The following FGF12 variants were observed in gnomAD, a reference collection of about 807,000 sequenced individuals.
FGF12 encodes fibroblast growth factor 12, also known as fibroblast growth factor 12B.
In FGF12, 14 loss-of-function variants were observed where a neutral mutation model predicts 23.6. That is an observed-to-expected ratio of 0.59 (90% CI 0.39 to 0.93). The LOEUF is 0.93. FGF12 is among the 40% of genes least tolerant of loss of function. FGF12 has a pLI of 0.00. For missense variants in FGF12, 175 were observed against 217.8 expected (o/e 0.80, Z 1.24); for synonymous variants, 62 against 77.3 (o/e 0.80, Z 1.04).
At chr3:192,571,421 T>C (rs967146943) in intron 2 of FGF12, among the ~76,000 whole-genome samples, 3 of 152,214 alleles carry the variant, frequency 2.0e-5, no homozygotes, top group Admixed American at 2.0e-4. Context: ...AGCGCAAAAC[T>C]GACTCATGCA....
chr3:192,408,624 G>T lies in FGF12; in HGVS notation c.14-48086C>A. The T allele has an allele frequency of 1.9e-6, 2 of 1,048,998 alleles. No homozygotes were observed. The highest frequency in any genetic ancestry group is 4.6e-4 in the Middle Eastern group (1 of 2,162). 65.0% of individuals were successfully genotyped at this position (1,048,998 alleles called of 1,614,324 possible). Reference sequence around the variant, plus strand: ...AGAACGATGCCCAAAATAACAAGACGTGCCTCTGTTGGAGAGGCGCAAGCG... The same window carrying T: ...AGAACGATGCCCAAAATAACAAGACTTGCCTCTGTTGGAGAGGCGCAAGCG... On this transcript the variant is annotated intron_variant, in intron 2 of 5. Coordinates refer to ENST00000445105, the MANE Select transcript of FGF12 (RefSeq NM_004113.6). This position sits in a 1 kb window ranked among gnomAD's most constrained non-coding sequence, Gnocchi z 7.3.
chr3:192,500,903 G>C (rs543314821), intron 2 of FGF12, among the ~76,000 whole-genome samples: 1 of 152,266 alleles, frequency 6.6e-6, no homozygotes, highest in South Asian at 2.1e-4. Flanking sequence ...GTTCAAGATC[G>C]CATAAGTGGT....
chr3:192,537,266 G>A (rs373352617), intron 2 of FGF12, among the ~76,000 whole-genome samples: 12 of 152,054 alleles, frequency 7.9e-5, no homozygotes, highest in African/African-American at 2.7e-4. Context: ...ATAACATGAG[G>A]GTGTAGAAAT....
intron 2 of FGF12, among the ~76,000 whole-genome samples, chr3:192,375,167 T>C (rs115807012): frequency 0.011 from 1,688 of 152,362 alleles, 31 homozygotes; most frequent in African/African-American, 0.039. Context: ...ATTTGGATTT[T>C]GAATCTTCAT....
intron 4 of FGF12, among the ~76,000 whole-genome samples, chr3:192,268,163 A>T (rs1713197126): frequency 6.6e-6 from 1 of 152,122 alleles, no homozygotes; most frequent in African/African-American, 2.4e-5. Context: ...TTTCCTTGTC[A>T]CTTTTGCATC....
chr3:192,313,422 A>C (rs1716061443), intron 4 of FGF12, among the ~76,000 whole-genome samples: 1 of 152,174 alleles, frequency 6.6e-6, no homozygotes, highest in African/African-American at 2.4e-5. Flanking sequence ...AACCTTTCAC[A>C]CTTCCCTGAA....
intron 4 of FGF12, among the ~76,000 whole-genome samples, chr3:192,318,127 AG>A (rs1716328359): frequency 6.6e-6 from 1 of 152,164 alleles, no homozygotes; most frequent in South Asian, 2.1e-4. Flanking sequence ...CCTCCGAAGG[AG>A]GACAGGTAAA....
At chr3:192,241,147 T>C (rs1430681500) in intron 4 of FGF12, among the ~76,000 whole-genome samples, 1 of 152,200 alleles carries the variant, frequency 6.6e-6, no homozygotes, top group Non-Finnish European at 1.5e-5. Flanking sequence ...CCATGAGTTC[T>C]TGCTGAAGAA....
chr3:192,209,571 G>A (rs1283688599), intron 4 of FGF12, among the ~76,000 whole-genome samples: 1 of 152,148 alleles, frequency 6.6e-6, no homozygotes. Context: ...GATGAATTAA[G>A]GTGAAGTGTT....
chr3:192,412,414 A>G (rs1211430144), intron 2 of FGF12, among the ~76,000 whole-genome samples: 2 of 152,232 alleles, frequency 1.3e-5, no homozygotes, highest in Non-Finnish European at 2.9e-5. Context: ...TTAACCTGAC[A>G]ACATCAAGTT....
At chr3:192,472,197 T>C (rs1481690495) in intron 2 of FGF12, among the ~76,000 whole-genome samples, 1 of 152,106 alleles carries the variant, frequency 6.6e-6, no homozygotes, top group Non-Finnish European at 1.5e-5. Flanking sequence ...TATGCATTTT[T>C]AGTAGAGACG....
chr3:192,335,981 A>G (rs1197839735), intron 3 of FGF12, among the ~76,000 whole-genome samples: 1 of 152,070 alleles, frequency 6.6e-6, no homozygotes, highest in Admixed American at 6.6e-5. Flanking sequence ...TGGTGATAAC[A>G]TTCAGACAAA....
chr3:192,580,218 T>A (rs1713075781), intron 2 of FGF12, among the ~76,000 whole-genome samples: 1 of 152,200 alleles, frequency 6.6e-6, no homozygotes, highest in African/African-American at 2.4e-5. Flanking sequence ...TCTTATGCAG[T>A]GATTCAAGTT....
At chr3:192,445,745 G>A (rs1470267781) in intron 2 of FGF12, among the ~76,000 whole-genome samples, 1 of 152,084 alleles carries the variant, frequency 6.6e-6, no homozygotes, top group African/African-American at 2.4e-5. Flanking sequence ...GTTTGCTCTT[G>A]GAATCCTATG....
chr3:192,704,832 C>T (rs1718416693), intron 2 of FGF12, among the ~76,000 whole-genome samples: 1 of 152,216 alleles, frequency 6.6e-6, no homozygotes. Flanking sequence ...CTTGCTGCAG[C>T]TTCTACATTA....
chr3:192,661,892 T>C (rs899620494), intron 2 of FGF12, among the ~76,000 whole-genome samples: 7 of 152,174 alleles, frequency 4.6e-5, no homozygotes, highest in Admixed American at 3.9e-4. Flanking sequence ...AATCGTAGCT[T>C]TACTACTTAA....
chr3:192,409,403 G>C lies in FGF12; in HGVS notation c.14-48865C>G, dbSNP rs1721105537. On this transcript the variant is annotated intron_variant, in intron 2 of 5. Transcript: ENST00000445105. The surrounding 1 kb of genome is among the most constrained non-coding windows in gnomAD (Gnocchi z 4.8). ...GTCTCCGCACAGGCTCAGAGGGAGC[G>C]AGGGAAGGGAGGGAAGGAAGGGGCG... 2.6e-5 allele frequency among the ~76,000 whole-genome samples: 4 copies of C among 152,190 alleles called. No homozygotes were observed. The highest frequency in any genetic ancestry group is 4.4e-5 in the Non-Finnish European group (3 of 68,032).
chr3:192,694,921 T>A (rs113252296), intron 2 of FGF12, among the ~76,000 whole-genome samples: 45 of 152,052 alleles, frequency 3.0e-4, no homozygotes, highest in Admixed American at 1.4e-3. Context: ...AGAGTTGCAG[T>A]TGTGTAGGAT....
chr3:192,290,101 G>A (rs1714676090), intron 4 of FGF12, among the ~76,000 whole-genome samples: 1 of 152,072 alleles, frequency 6.6e-6, no homozygotes, highest in African/African-American at 2.4e-5. Flanking sequence ...TTAGTTAGAT[G>A]AGAATAAGTT....
Sources: allele counts gnomAD v4.1 joint callset (sites outside exome capture counted in the v4.1 genomes callset), GRCh38; gene constraint gnomAD v4.1.1; non-coding constraint Gnocchi (gnomAD v3.1); transcripts MANE v1.5; gene names NCBI Gene and HGNC (gene_info 2026-07-23, HGNC 2026-07-21).